HS3ST3B1: variants seen among roughly 807,000 people sequenced by gnomAD.
HS3ST3B1 encodes heparan sulfate-glucosamine 3-sulfotransferase 3B1.
In HS3ST3B1, 13 loss-of-function variants were observed where a neutral mutation model predicts 21.3. That is an observed-to-expected ratio of 0.61 (90% confidence interval 0.40 to 0.97). The LOEUF is 0.97. HS3ST3B1 is among the 50% of genes least tolerant of loss of function. The pLI, the probability that HS3ST3B1 is intolerant of heterozygous loss-of-function variation, is 0.00. For missense variants in HS3ST3B1, 459 were observed against 554.8 expected, an observed-to-expected ratio of 0.83 and a Z score of 1.73; for synonymous variants, 234 against 254.8, an observed-to-expected ratio of 0.92 and a Z score of 0.78.
chr17:14,310,305 T>C (rs1480578991), intron 1 of HS3ST3B1, among the ~76,000 whole-genome samples: 1 of 152,120 alleles, frequency 6.6e-6, no homozygotes, highest in Non-Finnish European at 1.5e-5. Flanking sequence ...CCCTAAGTCC[T>C]GTGCACAGAG....
intron 1 of HS3ST3B1, among the ~76,000 whole-genome samples, chr17:14,312,065 AG>A (rs1046309648): frequency 2.6e-5 from 4 of 151,422 alleles, no homozygotes; most frequent in Non-Finnish European, 5.9e-5. Flanking sequence ...GAGCTAAGGA[AG>A]TAAGAAGGGG....
chr17:14,303,037 C>T lies in HS3ST3B1; in HGVS notation c.554+965C>T, dbSNP rs1908995796. Among the ~76,000 whole-genome samples the T allele has an allele frequency of 6.6e-6, 1 of 152,194 alleles. No individual in the cohort carries two copies. On this transcript the variant is annotated intron_variant, in intron 1 of 1. Coordinates refer to ENST00000360954, the MANE Select transcript of HS3ST3B1 (RefSeq NM_006041.3). This position sits in a 1 kb window ranked among gnomAD's most constrained non-coding sequence, Gnocchi z 5.7. ...CGGGGTCACAATCACTACCTCTGCC[C>T]ACTGCTTTCCGCAGCTGCTGGTCTT...
intron 1 of HS3ST3B1, chr17:14,304,381 G>A (rs1909058878): frequency 6.6e-6 from 1 of 152,242 alleles, no homozygotes; most frequent in Non-Finnish European, 1.5e-5. Context: ...CTCCTGGCGC[G>A]GCCGCAGAGT....
At chr17:14,315,039 G>C (rs2142331089) in intron 1 of HS3ST3B1, among the ~76,000 whole-genome samples, 1 of 152,302 alleles carries the variant, frequency 6.6e-6, no homozygotes, top group South Asian at 2.1e-4. Flanking sequence ...ATCATTTTCA[G>C]TGACATGCTT....
At chr17:14,317,415 G>T (rs1909533426) in intron 1 of HS3ST3B1, among the ~76,000 whole-genome samples, 1 of 152,184 alleles carries the variant, frequency 6.6e-6, no homozygotes, top group South Asian at 2.1e-4. Context: ...TTAAGCCATT[G>T]TCCAAATCCT....
At position 14,343,515 on chromosome 17, in the gene HS3ST3B1, G is replaced by A. The variant is rs575344920; in HGVS notation, c.555-1513G>A. On this transcript the variant is annotated intron_variant, in intron 1 of 1. Transcript: ENST00000360954. ...CCTTTAATCCCCCAACCAGCCTCTG[G>A]TAACCACCTTTTTACTCTTTTTCTG... Among the ~76,000 whole-genome samples, 3 of 152,122 alleles carry A rather than the reference G, an allele frequency of 2.0e-5. No homozygotes were observed. In the East Asian group the frequency reaches 5.8e-4, roughly 30 times the overall value.
chr17:14,322,898 C>CTTTTTTTTTTTT (rs34065582), intron 1 of HS3ST3B1, among the ~76,000 whole-genome samples: 2 of 94,586 alleles, frequency 2.1e-5, no homozygotes, highest in African/African-American at 3.7e-5. Context: ...GTGTCTATGT[C>CTTTTTTTTTTTT]TTTTTTTTTT....
chr17:14,340,645 C>T (rs530041683), intron 1 of HS3ST3B1, among the ~76,000 whole-genome samples: 10 of 152,174 alleles, frequency 6.6e-5, no homozygotes, highest in South Asian at 2.1e-4. Context: ...TGCAGTGGCG[C>T]GATCTCAGCT....
chr17:14,304,113 C>CTTGCGCCCGGGGGCTGCGCTGCG (rs1909045619), intron 1 of HS3ST3B1: 2 of 152,132 alleles, frequency 1.3e-5, no homozygotes. Flanking sequence ...GTTCGGCTGC[C>CTTGCGCCCGGGGGCTGCGCTGCG]GACTTGCGCC....
intron 1 of HS3ST3B1, among the ~76,000 whole-genome samples, chr17:14,324,732 G>A (rs1479028760): frequency 1.3e-5 from 2 of 152,096 alleles, no homozygotes; most frequent in Non-Finnish European, 2.9e-5. Flanking sequence ...TCCCGCTTCA[G>A]CCTCCTGAGT....
At chr17:14,330,618 A>G in intron 1 of HS3ST3B1, among the ~76,000 whole-genome samples, 1 of 148,416 alleles carries the variant, frequency 6.7e-6, no homozygotes, top group African/African-American at 2.5e-5. Context: ...ATTTTCATCA[A>G]CTCTGTGTTG....
chr17:14,310,036 C>T (rs1909257668), intron 1 of HS3ST3B1, among the ~76,000 whole-genome samples: 1 of 152,234 alleles, frequency 6.6e-6, no homozygotes, highest in Non-Finnish European at 1.5e-5. Context: ...TTTCCACCCA[C>T]TTCTATAATG....
chr17:14,317,696 G>T (rs555376701), intron 1 of HS3ST3B1, among the ~76,000 whole-genome samples: 2 of 152,260 alleles, frequency 1.3e-5, no homozygotes, highest in East Asian at 3.9e-4. Context: ...GGGTGCCTGG[G>T]ATTGGGGGAG....
intron 1 of HS3ST3B1, among the ~76,000 whole-genome samples, chr17:14,314,109 A>T (rs142769601): frequency 0.01 from 1,539 of 151,850 alleles, 31 homozygotes; most frequent in African/African-American, 0.034. Context: ...CCTCCCGAGT[A>T]GCTGGGATTA....
intron 1 of HS3ST3B1, among the ~76,000 whole-genome samples, chr17:14,323,235 G>A (rs1011098238): frequency 3.3e-5 from 5 of 152,096 alleles, no homozygotes; most frequent in Non-Finnish European, 5.9e-5. Context: ...GCATTTTGCT[G>A]CAAAGAGGGT....
In HS3ST3B1 at chr17:14,301,496, C is replaced by T; in HGVS notation, c.-23C>T. 3 of 1,488,258 alleles carry T rather than the reference C, an allele frequency of 2.0e-6. No homozygotes were observed. Among genetic ancestry groups the T allele is most frequent in the Non-Finnish European group, 2.7e-6 (3 of 1,127,980 alleles). 92.2% of individuals were successfully genotyped at this position (1,488,258 alleles called of 1,614,324 possible). ...CCACGCCATGTGCTGAGCCATGTCC[C>T]TGGCCGCGCCCGCGGGCAGCGCATG... On this transcript the variant is annotated 5_prime_UTR_variant, in exon 1 of 2. Transcript: ENST00000360954.
intron 1 of HS3ST3B1, among the ~76,000 whole-genome samples, chr17:14,323,206 G>A (rs919072331): frequency 2.0e-5 from 3 of 151,896 alleles, no homozygotes; most frequent in East Asian, 1.9e-4. Context: ...GCACCTGGCC[G>A]TGTATATGTC....
chr17:14,317,694 G>A (rs2142333002), intron 1 of HS3ST3B1, among the ~76,000 whole-genome samples: 2 of 152,222 alleles, frequency 1.3e-5, no homozygotes, highest in Non-Finnish European at 2.9e-5. Context: ...GAGGGTGCCT[G>A]GGATTGGGGG....
chr17:14,339,041 C>A (rs938449114), intron 1 of HS3ST3B1, among the ~76,000 whole-genome samples: 1 of 152,192 alleles, frequency 6.6e-6, no homozygotes, highest in African/African-American at 2.4e-5. Flanking sequence ...GGGCTGTGAG[C>A]ATTGTGTCTT....
Sources: gnomAD v4.1 joint callset for allele counts (sites outside exome capture counted in the v4.1 genomes callset) on GRCh38, gnomAD v4.1.1 for gene constraint, Gnocchi (gnomAD v3.1) non-coding constraint, MANE v1.5 for transcripts, NCBI Gene and HGNC (gene_info 2026-07-23, HGNC 2026-07-21) for gene names.